DNAJC5B: variants seen among roughly 807,000 people sequenced by gnomAD.
The protein encoded by DNAJC5B is DnaJ heat shock protein family (Hsp40) member C5 beta, also known as dnaJ homolog subfamily C member 5B.
In DNAJC5B, 23 loss-of-function variants were observed where a neutral mutation model predicts 24.7. The ratio of observed to expected loss-of-function variants is 0.93; its 90% CI spans 0.67 to 1.32. The LOEUF (loss-of-function observed/expected upper bound fraction) is 1.32. DNAJC5B is among the 40% of genes most tolerant of loss of function. DNAJC5B has a pLI of 0.00. For missense variants in DNAJC5B, 238 were observed against 240.8 expected, an observed-to-expected ratio of 0.99 and a Z score of 0.08; for synonymous variants, 101 against 90.1, an observed-to-expected ratio of 1.12 and a Z score of -0.68.
rs1807303729 is a variant in DNAJC5B, at chr8:66,069,733, A to G, written c.120-6927A>G. 5.3e-5 allele frequency among the ~76,000 whole-genome samples: 8 copies of G among 152,238 alleles called. No homozygotes were observed. The South Asian group carries it at 1.4e-3, about 28-fold the overall frequency. On this transcript the variant is annotated intron_variant, in intron 3 of 5. Transcript: ENST00000276570. ...ATGAGGCCAGCATAATGCTGATACC[A>G]AAACCTGGCAGAGACACAACAAGAA...
At chr8:66,016,861 A>G (rs1260869882), upstream of DNAJC5B, among the ~76,000 whole-genome samples, 2 of 152,180 alleles carry the variant, frequency 1.3e-5, no homozygotes, top group African/African-American at 4.8e-5. Context: ...AAGTTAGACC[A>G]ATATTAGCAG....
At chr8:66,080,925 C>T (rs775862041) in intron 5 of DNAJC5B, among the ~76,000 whole-genome samples, 4 of 152,092 alleles carry the variant, frequency 2.6e-5, no homozygotes, top group African/African-American at 4.8e-5. Flanking sequence ...CAGCCGGTTC[C>T]TTTAAGATCT....
At chr8:66,057,941 G>A (rs1807001402) in intron 3 of DNAJC5B, 1 of 152,244 alleles carries the variant, frequency 6.6e-6, no homozygotes, top group Non-Finnish European at 1.5e-5. Context: ...CGAAAGAAAG[G>A]AAATGATAAA....
intron 3 of DNAJC5B, among the ~76,000 whole-genome samples, chr8:66,062,926 C>A (rs1377689646): frequency 6.6e-6 from 1 of 151,580 alleles, no homozygotes; most frequent in African/African-American, 2.4e-5. Flanking sequence ...GGGAGGATCT[C>A]TTGAGCCCAG....
At chr8:66,039,112 G>T (rs1300634548) in intron 1 of DNAJC5B, among the ~76,000 whole-genome samples, 1 of 152,086 alleles carries the variant, frequency 6.6e-6, no homozygotes, top group African/African-American at 2.4e-5. Context: ...GCACCATTTG[G>T]CACAGTCATA....
chr8:66,052,051 G>A (rs1033231216), intron 3 of DNAJC5B, among the ~76,000 whole-genome samples: 4 of 151,430 alleles, frequency 2.6e-5, no homozygotes, highest in Non-Finnish European at 5.9e-5. Flanking sequence ...TGCAACCTCC[G>A]CCTCCCAGAT....
intron 2 of DNAJC5B, among the ~76,000 whole-genome samples, chr8:66,049,980 T>G (rs1806811511): frequency 6.6e-6 from 1 of 152,260 alleles, no homozygotes; most frequent in South Asian, 2.1e-4. Context: ...CTTTTGGATG[T>G]TGCATATAGA....
intron 2 of DNAJC5B, among the ~76,000 whole-genome samples, chr8:66,047,384 G>A (rs1274744978): frequency 1.3e-5 from 2 of 152,190 alleles, no homozygotes; most frequent in East Asian, 1.9e-4. Flanking sequence ...TGTCAGTTAC[G>A]ATTATGCAGT....
At chr8:66,092,174 AT>A (rs1414176961) in intron 5 of DNAJC5B, among the ~76,000 whole-genome samples, 1 of 152,110 alleles carries the variant, frequency 6.6e-6, no homozygotes, top group Non-Finnish European at 1.5e-5. Flanking sequence ...AGTTATGTGA[AT>A]CTCATCTCAA....
At chr8:66,070,732 C>T (rs748154141) in intron 3 of DNAJC5B, among the ~76,000 whole-genome samples, 5 of 152,096 alleles carry the variant, frequency 3.3e-5, no homozygotes, top group Non-Finnish European at 5.9e-5. Context: ...AAAAAGAGCC[C>T]GCATAGCCAA....
At chr8:66,035,615 A>G (rs530939799) in intron 1 of DNAJC5B, among the ~76,000 whole-genome samples, 1 of 152,348 alleles carries the variant, frequency 6.6e-6, no homozygotes, top group East Asian at 1.9e-4. Context: ...AAAGACATGG[A>G]ACCAACTCCC....
At chr8:66,046,986 T>C (rs1305211552) in intron 2 of DNAJC5B, among the ~76,000 whole-genome samples, 1 of 152,240 alleles carries the variant, frequency 6.6e-6, no homozygotes, top group African/African-American at 2.4e-5. Context: ...TGTGGGTGGA[T>C]CTCAGGGCAA....
intron 1 of DNAJC5B, among the ~76,000 whole-genome samples, chr8:66,038,437 G>C (rs1806535260): frequency 1.3e-5 from 2 of 152,152 alleles, no homozygotes; most frequent in Admixed American, 6.5e-5. Context: ...ATATCTTCAG[G>C]CCTATGCTTT....
chr8:66,089,115 G>A (rs1033916262), intron 5 of DNAJC5B, among the ~76,000 whole-genome samples: 2 of 152,174 alleles, frequency 1.3e-5, no homozygotes, highest in Non-Finnish European at 2.9e-5. Flanking sequence ...CTGCATGGCT[G>A]GGGAGGCCTC....
intron 3 of DNAJC5B, among the ~76,000 whole-genome samples, chr8:66,062,439 G>A (rs941062006): frequency 4.6e-5 from 7 of 152,186 alleles, no homozygotes; most frequent in Non-Finnish European, 1.0e-4. Flanking sequence ...AGCCAGATAT[G>A]CAATTTAGAG....
At chr8:66,019,633 G>GTATGAAT (rs1806056984), upstream of DNAJC5B, among the ~76,000 whole-genome samples, 1 of 152,140 alleles carries the variant, frequency 6.6e-6, no homozygotes, top group African/African-American at 2.4e-5. Context: ...CCAGTAAAAT[G>GTATGAAT]TATGAATTAA....
intron 5 of DNAJC5B, among the ~76,000 whole-genome samples, chr8:66,089,332 G>A (rs1807796070): frequency 6.6e-6 from 1 of 152,184 alleles, no homozygotes; most frequent in Admixed American, 6.5e-5. Context: ...TACTATTCAA[G>A]ATGAGATTTG....
chr8:66,069,209 A>G (rs1807291777), intron 3 of DNAJC5B, among the ~76,000 whole-genome samples: 2 of 152,078 alleles, frequency 1.3e-5, no homozygotes, highest in Admixed American at 6.6e-5. Flanking sequence ...CGGTGACTAA[A>G]CCTGAAAAAT....
chr8:66,039,223 C>T (rs1806553596), intron 1 of DNAJC5B, among the ~76,000 whole-genome samples: 1 of 152,190 alleles, frequency 6.6e-6, no homozygotes, highest in Admixed American at 6.5e-5. Flanking sequence ...ATGGAATCAA[C>T]CAGCCTGATT....
Sources: gnomAD v4.1 joint callset for allele counts (sites outside exome capture counted in the v4.1 genomes callset) on GRCh38, gnomAD v4.1.1 for gene constraint, MANE v1.5 for transcripts, NCBI Gene and HGNC (gene_info 2026-07-23, HGNC 2026-07-21) for gene names.